ALK: variants seen among roughly 807,000 people sequenced by gnomAD.
ALK encodes ALK tyrosine kinase receptor.
In ALK, 74 loss-of-function variants were observed where a neutral mutation model predicts 163.1. That is an observed-to-expected ratio of 0.45 (90% CI 0.38 to 0.55). The LOEUF is 0.55. Ranked by LOEUF, ALK falls within the 20% of genes least tolerant of loss-of-function variation. The pLI, the probability that ALK is intolerant of heterozygous loss-of-function variation, is 0.00. For synonymous variants in ALK, 960 were observed against 843.2 expected (o/e 1.14, Z -2.40); for missense variants, 2,063 against 2,105.3 (o/e 0.98, Z 0.39).
At chr2:29,691,121 G>A (rs1678383159) in intron 3 of ALK, among the ~76,000 whole-genome samples, 1 of 152,190 alleles carries the variant, frequency 6.6e-6, no homozygotes, top group Admixed American at 6.5e-5. Context: ...GAGGAACAAC[G>A]CTACTTCAGG....
intron 1 of ALK, among the ~76,000 whole-genome samples, chr2:29,721,636 T>C (rs1416061262): frequency 6.6e-6 from 1 of 152,226 alleles, no homozygotes; most frequent in East Asian, 1.9e-4. Context: ...TCTCTTCTGT[T>C]GTAAAGGATA....
chr2:29,630,116 A>T, intron 3 of ALK, among the ~76,000 whole-genome samples: 1 of 152,188 alleles, frequency 6.6e-6, no homozygotes, highest in East Asian at 1.9e-4. Flanking sequence ...GACTGGCCAC[A>T]TGTGCCTTAA....
intron 1 of ALK, among the ~76,000 whole-genome samples, chr2:29,888,206 G>T (rs188852457): frequency 1.3e-5 from 2 of 150,868 alleles, no homozygotes; most frequent in Non-Finnish European, 2.9e-5. Context: ...AGCTGTGGAG[G>T]ATTGGGCCTG....
At chr2:29,830,712 TTAAAAAAAAAAAAAAAAAAAAAAAAAAA>T (rs1183032459) in intron 1 of ALK, among the ~76,000 whole-genome samples, 7 of 63,512 alleles carry the variant, frequency 1.1e-4, no homozygotes, top group African/African-American at 2.5e-4. Flanking sequence ...CTAAAATAGT[TTAAAAAAAAAAAAAAAAAAAAAAAAAAA>T]AAAAAAAAAA....
chr2:29,508,576 T>C (rs777780240), intron 4 of ALK, among the ~76,000 whole-genome samples: 16 of 151,642 alleles, frequency 1.1e-4, no homozygotes, highest in Admixed American at 3.3e-4. Flanking sequence ...GGGATAGCAT[T>C]AGGAGATATA....
chr2:29,920,261 G>A lies in ALK; in HGVS notation c.399C>T (p.Arg133=). The A allele has an allele frequency of 6.2e-7, 1 of 1,601,860 alleles. No homozygotes were observed. Among genetic ancestry groups the A allele is most frequent in the Non-Finnish European group, 8.5e-7 (1 of 1,174,992 alleles). ...LSRVLKGGSV[R]KLRRAKQLVL... ...CCAACTGCTTGGCACGCCGGAGCTT[G>A]CGCACGGAGCCGCCCTTCAGCACCC... Residue 133 remains arginine, a synonymous_variant, in exon 1 of 29, where the codon CGC becomes CGT. Coordinates refer to ENST00000389048, the MANE Select transcript of ALK (RefSeq NM_004304.5).
chr2:29,315,616 G>T (rs11895405), intron 8 of ALK, among the ~76,000 whole-genome samples: 1,621 of 152,222 alleles, frequency 0.011, 30 homozygotes, highest in African/African-American at 0.036. Flanking sequence ...AGAGCCCTGG[G>T]CCCCACTCTT....
chr2:29,809,970 C>T (rs918902267), intron 1 of ALK, among the ~76,000 whole-genome samples: 3 of 152,210 alleles, frequency 2.0e-5, no homozygotes, highest in African/African-American at 7.2e-5. Context: ...ATGGATTTCT[C>T]ATTCCAACTT....
rs193160710 is a variant in ALK at position 29,538,145 on chromosome 2, T to C, written c.953-6029A>G. On this transcript the variant is annotated intron_variant, in intron 3 of 28. Transcript: ENST00000389048. ...ATGAGTTAATACTTTTGAGGAACTA[T>C]TGTGAAGGCATAATCATATTTTGAA... is the stretch of plus-strand genomic sequence containing the variant. Among the ~76,000 whole-genome samples, 488 of 152,322 alleles carry C rather than the reference T, an allele frequency of 3.2e-3. 1 individual carries two copies. The highest frequency in any genetic ancestry group is 0.011 in the African/African-American group (451 of 41,580).
intron 1 of ALK, among the ~76,000 whole-genome samples, chr2:29,719,599 A>G (rs1402491064): frequency 2.0e-5 from 3 of 152,228 alleles, no homozygotes; most frequent in African/African-American, 7.2e-5. Flanking sequence ...TTTACTTCTT[A>G]CAGTAACCTT....
intron 3 of ALK, among the ~76,000 whole-genome samples, chr2:29,539,628 C>A (rs571420644): frequency 9.0e-6 from 1 of 111,128 alleles, no homozygotes; most frequent in Non-Finnish European, 2.0e-5. Context: ...TCATATCATT[C>A]GACTAGGTAA....
chr2:29,751,838 A>G (rs893369150), intron 1 of ALK, among the ~76,000 whole-genome samples: 1 of 152,198 alleles, frequency 6.6e-6, no homozygotes, highest in South Asian at 2.1e-4. Flanking sequence ...TGTTCAACCA[A>G]TAAGTACTAA....
intron 1 of ALK, among the ~76,000 whole-genome samples, chr2:29,775,720 T>C (rs1426210018): frequency 6.6e-6 from 1 of 152,166 alleles, no homozygotes; most frequent in African/African-American, 2.4e-5. Context: ...ATCTGTAAAA[T>C]GGGGATAGTA....
chr2:29,385,346 C>T (rs562652953), intron 4 of ALK, among the ~76,000 whole-genome samples: 130 of 150,518 alleles, frequency 8.6e-4, no homozygotes, highest in African/African-American at 3.0e-3. Context: ...CCAGCAATAA[C>T]CATAGTCACC....
At chr2:29,915,354 G>T (rs1013181403) in intron 1 of ALK, among the ~76,000 whole-genome samples, 21 of 152,158 alleles carry the variant, frequency 1.4e-4, no homozygotes, top group Non-Finnish European at 2.8e-4. Flanking sequence ...CTGAGTAGCT[G>T]GAACTAAGGC....
chr2:29,582,013 C>T (rs535566386), intron 3 of ALK, among the ~76,000 whole-genome samples: 7 of 152,264 alleles, frequency 4.6e-5, no homozygotes, highest in East Asian at 1.9e-4. Flanking sequence ...AGACTCAAGT[C>T]GAGCATTCAT....
chr2:29,233,318 T>A (rs1191198988), intron 14 of ALK, among the ~76,000 whole-genome samples: 1 of 149,458 alleles, frequency 6.7e-6, no homozygotes, highest in African/African-American at 2.4e-5. Flanking sequence ...AATTTTTAAA[T>A]TTTTTTTGGT....
At chr2:29,849,906 T>A (rs1665946374) in intron 1 of ALK, among the ~76,000 whole-genome samples, 1 of 152,158 alleles carries the variant, frequency 6.6e-6, no homozygotes, top group Non-Finnish European at 1.5e-5. Flanking sequence ...CATTTAGTAT[T>A]CTTTTTTTAT....
chr2:29,544,738 G>T (rs1159521646), intron 3 of ALK, among the ~76,000 whole-genome samples: 2 of 151,792 alleles, frequency 1.3e-5, no homozygotes, highest in Admixed American at 1.3e-4. Context: ...GCAGAATCAC[G>T]CTCCTGGAAA....
Sources: gnomAD v4.1 joint callset for allele counts (sites outside exome capture counted in the v4.1 genomes callset) on GRCh38, gnomAD v4.1.1 for gene constraint, MANE v1.5 for transcripts, NCBI Gene and HGNC (gene_info 2026-07-23, HGNC 2026-07-21) for gene names.